Variants in SPECC1 observed in about 807,000 individuals in gnomAD.
SPECC1 encodes sperm antigen with calponin homology and coiled-coil domains 1, also known as cytospin-B.
Under a neutral mutation model 104.1 loss-of-function variants are expected in SPECC1, and 62 were observed. The ratio of observed to expected loss-of-function variants is 0.60; its 90% CI spans 0.49 to 0.74. The LOEUF (loss-of-function observed/expected upper bound fraction) is 0.74, where lower values mean the gene tolerates loss of function less well. SPECC1 is among the 30% of genes least tolerant of loss of function. The pLI is 0.00. For synonymous variants in SPECC1, 513 were observed against 501.6 expected (o/e 1.02, Z -0.30); for missense variants, 1,306 against 1,310.5 (o/e 1.00, Z 0.05).
intron 14 of SPECC1, among the ~76,000 whole-genome samples, chr17:20,309,807 C>T (rs9892876): frequency 0.69 from 99,415 of 143,266 alleles, 35,909 homozygotes; most frequent in East Asian, 0.92. Flanking sequence ...GGTTTTCTTT[C>T]TCCTTTTCTT....
In SPECC1 at chr17:20,156,413, A is replaced by G. The variant is rs1162450378; in HGVS notation, c.283+45851A>G. Among the ~76,000 whole-genome samples, 3 of 152,092 alleles carry G rather than the reference A, an allele frequency of 2.0e-5. No individual in the cohort carries two copies. In the South Asian group the frequency reaches 6.2e-4, roughly 31 times the overall value. ...TGGGATTGTGAAATTACCTGTGCCG[A>G]CGCCGCGACCAGAAAACGCTGCTCG... On this transcript the variant is annotated intron_variant, in intron 3 of 14. Coordinates refer to ENST00000395527, the MANE Select transcript of SPECC1 (RefSeq NM_001243439.2).
At chr17:20,246,200 AC>A in intron 8 of SPECC1, 129 bp downstream of exon 8, 1 of 1,091,052 alleles carries the variant, frequency 9.2e-7, no homozygotes, top group Non-Finnish European at 1.3e-6. Context: ...TCCAGGTCCT[AC>A]CACGTGCAGC....
intron 3 of SPECC1, among the ~76,000 whole-genome samples, chr17:20,182,047 T>C (rs1037054473): frequency 6.6e-6 from 1 of 152,150 alleles, no homozygotes; most frequent in African/African-American, 2.4e-5. Context: ...TGGCATGTTC[T>C]TAATAACTTT....
Position 20,205,866 on chromosome 17 carries a change from T to TA in SPECC1, c.1820dup (p.Ala608GlyfsTer4), listed in dbSNP as rs758055625. On this transcript the variant is annotated frameshift_variant, in exon 4 of 15. Transcript: ENST00000395527. LOFTEE classifies it high-confidence loss of function. ...TGCAATGAGCTCAGACAAGAATTAC[T>TA]AAAGGCAAACGGTGAAATTAAACAT... 1 of 1,613,858 alleles carries TA rather than the reference T, an allele frequency of 6.2e-7. No individual in the cohort carries two copies. Among genetic ancestry groups the TA allele is most frequent in the South Asian group, 1.1e-5 (1 of 91,046 alleles).
At chr17:20,198,456 A>C (rs183509459) in intron 3 of SPECC1, among the ~76,000 whole-genome samples, 1 of 152,334 alleles carries the variant, frequency 6.6e-6, no homozygotes, top group East Asian at 1.9e-4. Flanking sequence ...CAGCCATCCC[A>C]TCAGCTCTTA....
intron 1 of SPECC1, among the ~76,000 whole-genome samples, chr17:20,035,520 T>C (rs1363879276): frequency 1.3e-5 from 2 of 152,220 alleles, no homozygotes; most frequent in African/African-American, 4.8e-5. Flanking sequence ...TATATGTAAG[T>C]ATTTCATTTT....
intron 4 of SPECC1, among the ~76,000 whole-genome samples, chr17:20,224,924 A>G (rs2038111576): frequency 6.6e-6 from 1 of 152,140 alleles, no homozygotes. Context: ...TGAAGCCGGT[A>G]CAGTGTGTGG....
chr17:20,283,930 G>A (rs1454133651), intron 12 of SPECC1, among the ~76,000 whole-genome samples: 2 of 152,010 alleles, frequency 1.3e-5, no homozygotes, highest in Admixed American at 6.6e-5. Context: ...AGTATTAGTC[G>A]TTTGCTATAC....
chr17:20,069,972 C>T lies in SPECC1; in HGVS notation c.-21-26659C>T, dbSNP rs553080744. On this transcript the variant is annotated intron_variant, in intron 1 of 14. Coordinates refer to ENST00000395527, the MANE Select transcript of SPECC1 (RefSeq NM_001243439.2). ...TTTGTAAGATCTTGTATTCTGCAGC[C>T]TTCCTGAACTCCTTTATTAGCCCTA... Among the ~76,000 whole-genome samples, 7 of 152,170 alleles carry T rather than the reference C, an allele frequency of 4.6e-5. No homozygotes were observed. In the South Asian group the frequency reaches 1.5e-3, roughly 32 times the overall value.
intron 12 of SPECC1, among the ~76,000 whole-genome samples, chr17:20,282,902 C>T (rs868186618): frequency 6.6e-6 from 1 of 152,070 alleles, no homozygotes; most frequent in South Asian, 2.1e-4. Context: ...TGGCTGGGTG[C>T]GTGCAGTGGC....
At chr17:20,260,061 G>A (rs866111248) in intron 11 of SPECC1, 131 bp from the exon 12 acceptor site, 22 of 565,788 alleles carry the variant, frequency 3.9e-5, no homozygotes, top group South Asian at 2.3e-4. Flanking sequence ...TGACTAATTC[G>A]GCTGTTTCTT....
At chr17:20,290,094 C>T (rs889645769) in intron 12 of SPECC1, among the ~76,000 whole-genome samples, 5 of 151,952 alleles carry the variant, frequency 3.3e-5, no homozygotes, top group South Asian at 2.1e-4. Flanking sequence ...CAAATACGGC[C>T]GAGCCCCCAG....
At position 20,310,036 on chromosome 17, in the gene SPECC1, G is replaced by C. The variant is rs535992438; in HGVS notation, c.3118-3940G>C. The stretch of plus-strand genomic sequence containing the variant: ...GGGGTTTCATCATGTTAGCCAGGCT[G>C]GTCTCAAACTCCTGACCTCAGGTGA... On this transcript the variant is annotated intron_variant, in intron 14 of 14. Coordinates refer to ENST00000395527, the MANE Select transcript of SPECC1 (RefSeq NM_001243439.2). 9.2e-5 allele frequency among the ~76,000 whole-genome samples: 14 copies of C among 151,868 alleles called. No individual in the cohort carries two copies. In the East Asian group the frequency reaches 2.7e-3, roughly 29 times the overall value.
chr17:20,238,676 T>C (rs1241982144), intron 7 of SPECC1: 1 of 1,039,416 alleles, frequency 9.6e-7, no homozygotes, highest in African/African-American at 1.7e-5. Flanking sequence ...GAAATTTATA[T>C]TTTGGGCACT....
intron 1 of SPECC1, among the ~76,000 whole-genome samples, chr17:20,041,815 C>A (rs28830504): frequency 1.3e-5 from 2 of 151,110 alleles, no homozygotes; most frequent in African/African-American, 2.4e-5. Flanking sequence ...TTAGTAGAGA[C>A]GGGGTTTCAC....
chr17:20,144,235 AGTGCAGTG>A (rs2031208755), intron 3 of SPECC1, among the ~76,000 whole-genome samples: 1 of 117,936 alleles, frequency 8.5e-6, no homozygotes. Context: ...CCGAGGCTGG[AGTGCAGTG>A]GTGCGATCAC....
chr17:20,056,358 C>CAA (rs2045963072), intron 1 of SPECC1: 1 of 191,586 alleles, frequency 5.2e-6, no homozygotes, highest in Admixed American at 5.0e-5. Context: ...TGAAGCCCAG[C>CAA]AAACCCCTCA....
At chr17:20,299,711 G>A (rs1039310578) in intron 13 of SPECC1, among the ~76,000 whole-genome samples, 1 of 152,074 alleles carries the variant, frequency 6.6e-6, no homozygotes, top group Non-Finnish European at 1.5e-5. Flanking sequence ...TTACTTTTCT[G>A]TGGGGTGCTT....
intron 4 of SPECC1, among the ~76,000 whole-genome samples, chr17:20,220,421 A>G (rs1394480787): frequency 6.6e-6 from 1 of 151,916 alleles, no homozygotes; most frequent in Admixed American, 6.6e-5. Flanking sequence ...ACTTTATTCT[A>G]CTCACAGCTA....
Sources: gnomAD v4.1 joint callset for allele counts (sites outside exome capture counted in the v4.1 genomes callset) on GRCh38, gnomAD v4.1.1 for gene constraint, MANE v1.5 for transcripts, NCBI Gene and HGNC (gene_info 2026-07-23, HGNC 2026-07-21) for gene names.